BCL2: variants seen among roughly 807,000 people sequenced by gnomAD.
BCL2 encodes apoptosis regulator Bcl-2.
In BCL2, 1 loss-of-function variant was observed where a neutral mutation model predicts 14.2. That is an observed-to-expected ratio of 0.07 (90% CI 0.02 to 0.33). BCL2 has a LOEUF of 0.33. BCL2 is among the 10% of genes least tolerant of loss of function. The probability of loss-of-function intolerance (pLI) is 0.99; values close to 1 mark genes in which losing one functional copy is unlikely to be tolerated. For missense variants in BCL2, 247 were observed against 305.9 expected, an observed-to-expected ratio of 0.81 and a Z score of 1.44; for synonymous variants, 151 against 137.2, an observed-to-expected ratio of 1.10 and a Z score of -0.70.
chr18:63,149,374 A>G lies in BCL2; in HGVS notation c.586-20615T>C, dbSNP rs1370572295. On this transcript the variant is annotated intron_variant, in intron 2 of 2. Transcript: ENST00000333681. This position sits in a 1 kb window ranked among gnomAD's most constrained non-coding sequence, Gnocchi z 4.2. ...ATCTGACAGGAGCCGGAGCTCAGGC[A>G]GTGATGCTCGCCAGCTGCTCACCTC... Among the ~76,000 whole-genome samples, 1 of 152,230 alleles carries G rather than the reference A, an allele frequency of 6.6e-6. No homozygotes were observed. The highest frequency in any genetic ancestry group is 1.5e-5 in the Non-Finnish European group (1 of 68,046).
At chr18:63,228,033 C>T (rs534206316) in intron 2 of BCL2, among the ~76,000 whole-genome samples, 15 of 152,332 alleles carry the variant, frequency 9.8e-5, no homozygotes, top group Middle Eastern at 3.4e-3. Context: ...TTTTGGCCTA[C>T]AGATGGCCGC....
intron 2 of BCL2, among the ~76,000 whole-genome samples, chr18:63,238,017 T>G (rs1004813824): frequency 6.6e-6 from 1 of 151,448 alleles, no homozygotes; most frequent in Admixed American, 6.6e-5. Flanking sequence ...ACAATGTGGG[T>G]GGTGACTTTT....
At chr18:63,188,126 A>G (rs1202184638) in intron 2 of BCL2, among the ~76,000 whole-genome samples, 2 of 152,266 alleles carry the variant, frequency 1.3e-5, no homozygotes, top group African/African-American at 2.4e-5. Context: ...CTAGCAAGCC[A>G]TAACAATCCA....
intron 2 of BCL2, among the ~76,000 whole-genome samples, chr18:63,129,179 A>T (rs565264599): frequency 1.3e-4 from 20 of 152,212 alleles, no homozygotes; most frequent in Admixed American, 7.2e-4. Context: ...CCCATCCATA[A>T]AAGTAATAAA....
At chr18:63,203,703 T>C (rs765825678) in intron 2 of BCL2, among the ~76,000 whole-genome samples, 6 of 151,962 alleles carry the variant, frequency 3.9e-5, no homozygotes, top group African/African-American at 7.3e-5. Context: ...CACACACACA[T>C]ACACACACAT....
intron 2 of BCL2, among the ~76,000 whole-genome samples, chr18:63,247,757 T>G (rs1304581009): frequency 6.6e-6 from 1 of 152,152 alleles, no homozygotes; most frequent in East Asian, 1.9e-4. Flanking sequence ...ACCATTCCAG[T>G]GCCAAGCTGG....
chr18:63,243,431 G>A (rs1190147495), intron 2 of BCL2, among the ~76,000 whole-genome samples: 1 of 152,138 alleles, frequency 6.6e-6, no homozygotes, highest in Non-Finnish European at 1.5e-5. Flanking sequence ...TAAAACCTGG[G>A]TGACAAAATA....
rs4987852 is a variant in BCL2, at chr18:63,126,688, T to C, written c.*1937A>G. 0.049 allele frequency: 11,206 copies of C among 226,854 alleles called. 416 individuals carry two copies. The highest frequency in any genetic ancestry group is 0.066 in the Non-Finnish European group (7,564 of 114,036). The allele number at this position is 226,854 out of a possible 1,614,324, so 14.1% of individuals were successfully genotyped here. A position where few individuals can be genotyped will look rare whatever the true frequency, so the allele number is the denominator to read the frequency against. ...GAGACTCAGGGCTTATCTCACCTTC[T>C]CAGAATGCTTTTGAAGAATCAAGAG... On this transcript the variant is annotated 3_prime_UTR_variant, in exon 3 of 3. Coordinates refer to ENST00000333681, the MANE Select transcript of BCL2 (RefSeq NM_000633.3).
chr18:63,253,609 A>G (rs1225472214), intron 2 of BCL2, among the ~76,000 whole-genome samples: 2 of 152,182 alleles, frequency 1.3e-5, no homozygotes, highest in Non-Finnish European at 2.9e-5. Context: ...GAAGGAAACT[A>G]TTTGAGATGG....
At chr18:63,280,439 C>G (rs547078211) in intron 2 of BCL2, among the ~76,000 whole-genome samples, 1 of 152,126 alleles carries the variant, frequency 6.6e-6, no homozygotes, top group Non-Finnish European at 1.5e-5. Flanking sequence ...TATCTGATAA[C>G]GGATTAACGT....
At chr18:63,135,243 C>T (rs571680271) in intron 2 of BCL2, among the ~76,000 whole-genome samples, 2 of 152,280 alleles carry the variant, frequency 1.3e-5, no homozygotes, top group African/African-American at 4.8e-5. Context: ...CAGGGAACCT[C>T]CTCCCTGCCT....
chr18:63,138,029 G>C (rs1568213085), intron 2 of BCL2, among the ~76,000 whole-genome samples: 1 of 152,232 alleles, frequency 6.6e-6, no homozygotes, highest in Non-Finnish European at 1.5e-5. Context: ...CGGCCACACA[G>C]AATCTATGAC....
At chr18:63,240,664 T>C (rs1316706524) in intron 2 of BCL2, among the ~76,000 whole-genome samples, 2 of 152,254 alleles carry the variant, frequency 1.3e-5, no homozygotes, top group African/African-American at 4.8e-5. Flanking sequence ...AAGCAATATC[T>C]TTGTGCATTT....
At chr18:63,319,824 G>C (rs1451652855), upstream of BCL2, 1 of 183,520 alleles carries the variant, frequency 5.4e-6, no homozygotes, top group Non-Finnish European at 1.2e-5. Context: ...TTCCTAAAAA[G>C]GATGACTGCT....
chr18:63,129,224 T>C (rs1384352084), intron 2 of BCL2, among the ~76,000 whole-genome samples: 1 of 152,188 alleles, frequency 6.6e-6, no homozygotes, highest in East Asian at 1.9e-4. Context: ...CACTCCTCGA[T>C]TGAGTGTTGA....
In BCL2 at chr18:63,318,826, A is replaced by T; in HGVS notation, c.-160T>A. On this transcript the variant is annotated 5_prime_UTR_variant, in exon 2 of 3. Coordinates refer to ENST00000333681, the MANE Select transcript of BCL2 (RefSeq NM_000633.3). The surrounding 1 kb of genome is among the most constrained non-coding windows in gnomAD (Gnocchi z 7.4). ...TGTCTTCAATCACGCGGAACACTTG[A>T]TTCTGGTGTTTCCCCCTTGGCATGA... 7.0e-7 allele frequency: 1 copy of T among 1,421,358 alleles called. No individual in the cohort carries two copies. The highest frequency in any genetic ancestry group is 2.8e-5 in the East Asian group (1 of 35,932). The allele number at this position is 1,421,358 out of a possible 1,614,324, so 88.0% of individuals were successfully genotyped here.
At chr18:63,276,618 T>C (rs1912161136) in intron 2 of BCL2, among the ~76,000 whole-genome samples, 1 of 152,248 alleles carries the variant, frequency 6.6e-6, no homozygotes, top group Non-Finnish European at 1.5e-5. Context: ...ATGTACTTTG[T>C]TTTGTTTAGA....
At chr18:63,264,901 G>C (rs1016152029) in intron 2 of BCL2, among the ~76,000 whole-genome samples, 2 of 152,282 alleles carry the variant, frequency 1.3e-5, no homozygotes, top group Non-Finnish European at 2.9e-5. Flanking sequence ...AAGTCCTCTC[G>C]GGATGAGGCC....
At position 63,312,257 on chromosome 18, in the gene BCL2, G is replaced by A. The variant is rs531863659; in HGVS notation, c.585+5825C>T. ...AGCTACACCTGAGAGGTCCCTCACC[G>A]GTGGAATGATAAGGCAGGTAGGGGA... On this transcript the variant is annotated intron_variant, in intron 2 of 2. Transcript: ENST00000333681. Among the ~76,000 whole-genome samples the A allele has an allele frequency of 1.1e-3, 171 of 152,290 alleles. 1 individual carries two copies. The highest frequency in any genetic ancestry group is 2.0e-3 in the Non-Finnish European group (139 of 68,022).
Sources: gnomAD v4.1 joint callset for allele counts (sites outside exome capture counted in the v4.1 genomes callset) on GRCh38, gnomAD v4.1.1 for gene constraint, Gnocchi (gnomAD v3.1) non-coding constraint, MANE v1.5 for transcripts, NCBI Gene and HGNC (gene_info 2026-07-23, HGNC 2026-07-21) for gene names.